The following ZFYVE28 variants were observed in gnomAD, a reference collection of about 807,000 sequenced individuals.
The protein encoded by ZFYVE28 is lateral signaling target protein 2 homolog.
ZFYVE28 carries 40 observed loss-of-function variants against 82.1 expected under a neutral mutation model. The observed-to-expected ratio is 0.49, with a 90% CI of 0.38 to 0.63. The LOEUF is 0.63. Among genes scored for constraint, ZFYVE28 ranks in the 30% least tolerant of loss-of-function variants. ZFYVE28 has a pLI of 0.00. For missense variants in ZFYVE28, 1,321 were observed against 1,242.1 expected (o/e 1.06, Z -0.96); for synonymous variants, 612 against 546.1 (o/e 1.12, Z -1.68).
intron 6 of ZFYVE28, chr4:2,330,447 A>G: frequency 9.4e-7 from 1 of 1,067,600 alleles, no homozygotes; most frequent in Non-Finnish European, 1.1e-6. Context: ...AGGGGACAGC[A>G]CGGAGGAGGG....
intron 8 of ZFYVE28, among the ~76,000 whole-genome samples, chr4:2,282,097 G>C (rs1024511858): frequency 1.3e-5 from 2 of 152,336 alleles, no homozygotes; most frequent in Non-Finnish European, 2.9e-5. Flanking sequence ...TGTCACTGAT[G>C]TTCTCAAGTC....
chr4:2,415,955 G>A (rs914076842), intron 1 of ZFYVE28, among the ~76,000 whole-genome samples: 1 of 152,292 alleles, frequency 6.6e-6, no homozygotes, highest in South Asian at 2.1e-4. Flanking sequence ...ATGGAGATAC[G>A]TCTCAAGTCC....
intron 1 of ZFYVE28, among the ~76,000 whole-genome samples, chr4:2,405,687 A>AGGTGAGGCCGACAGCCAGCACTCCT (rs1731811820): frequency 6.6e-6 from 1 of 152,240 alleles, no homozygotes; most frequent in Non-Finnish European, 1.5e-5. Context: ...GGAAGGAGCC[A>AGGTGAGGCCGACAGCCAGCACTCCT]GGTGAGGCCG....
chr4:2,299,298 TCCGTTTTTCC>T (rs1715128078), intron 8 of ZFYVE28, among the ~76,000 whole-genome samples: 1 of 152,024 alleles, frequency 6.6e-6, no homozygotes, highest in Non-Finnish European at 1.5e-5. Context: ...CGAAGGGTAC[TCCGTTTTTCC>T]CCCTCAAGTT....
intron 1 of ZFYVE28, among the ~76,000 whole-genome samples, chr4:2,414,897 A>T (rs1467291839): frequency 3.3e-5 from 5 of 152,236 alleles, no homozygotes. Context: ...TTTCTAAAGC[A>T]TAAACTCTCT....
intron 1 of ZFYVE28, among the ~76,000 whole-genome samples, chr4:2,365,398 C>T (rs1347725736): frequency 1.3e-5 from 2 of 152,088 alleles, no homozygotes; most frequent in African/African-American, 4.8e-5. Context: ...GCAGCAGGGG[C>T]CTCTCAGTGC....
chr4:2,351,049 C>A (rs1372878370), intron 2 of ZFYVE28, among the ~76,000 whole-genome samples: 2 of 152,192 alleles, frequency 1.3e-5, no homozygotes, highest in African/African-American at 4.8e-5. Flanking sequence ...GTCATGGGAG[C>A]CCCGATTTAT....
At chr4:2,354,952 G>C (rs1725016354) in intron 1 of ZFYVE28, among the ~76,000 whole-genome samples, 1 of 151,392 alleles carries the variant, frequency 6.6e-6, no homozygotes, top group Non-Finnish European at 1.5e-5. Flanking sequence ...GTGCACTGTG[G>C]CAGGAAACTC....
At position 2,363,164 on chromosome 4, in the gene ZFYVE28, C is replaced by T. The variant is rs150343035; in HGVS notation, c.40-9091G>A. On this transcript the variant is annotated intron_variant, in intron 1 of 12. Transcript: ENST00000290974. ...TTTAATCCCTCATATGACCGTTGAC[C>T]GGTCACCTGTGAGAGTGGCATATAT... Among the ~76,000 whole-genome samples, 266 of 152,164 alleles carry T rather than the reference C, an allele frequency of 1.7e-3. 1 individual carries two copies. The highest frequency in any genetic ancestry group is 5.8e-3 in the African/African-American group (240 of 41,538).
chr4:2,406,718 G>A (rs961573825), intron 1 of ZFYVE28: 2 of 152,354 alleles, frequency 1.3e-5, no homozygotes, highest in South Asian at 4.1e-4. Context: ...TCTGGGAGGT[G>A]GATTTGCTCC....
intron 6 of ZFYVE28, chr4:2,330,786 A>G: frequency 6.5e-7 from 1 of 1,527,406 alleles, no homozygotes; most frequent in South Asian, 1.2e-5. Context: ...TAGGACAGTC[A>G]AGGGGACCCT....
At position 2,305,105 on chromosome 4, in the gene ZFYVE28, G is replaced by C; in HGVS notation, c.1235C>G (p.Ala412Gly). The change falls in exon 8 of 13, where the codon GCC becomes GGC. Residue 412 changes from alanine (A) to glycine (G), a missense_variant. Physicochemically the swap from Ala to Gly is moderately conservative, Grantham distance 60. Coordinates refer to ENST00000290974, the MANE Select transcript of ZFYVE28 (RefSeq NM_020972.3). ...FMDDVEGTAE[A>G]LARPESPAGP... The stretch of plus-strand genomic sequence containing the variant: ...AGCTGGGGACTCGGGCCTGGCCAGG[G>C]CTTCTGCCGTCCCCTCCACGTCATC... The C allele has an allele frequency of 6.2e-7, 1 of 1,601,030 alleles. No individual in the cohort carries two copies. The highest frequency in any genetic ancestry group is 8.5e-7 in the Non-Finnish European group (1 of 1,173,234).
intron 1 of ZFYVE28, among the ~76,000 whole-genome samples, chr4:2,392,547 AG>A (rs1344717242): frequency 7.2e-5 from 11 of 152,256 alleles, no homozygotes; most frequent in African/African-American, 2.7e-4. Flanking sequence ...GTCTGCAAGC[AG>A]GTCCGGATAG....
At chr4:2,398,763 AGGTCAGTG>A (rs1560338182) in intron 1 of ZFYVE28, among the ~76,000 whole-genome samples, 7 of 7,292 alleles carry the variant, frequency 9.6e-4, no homozygotes, top group Non-Finnish European at 1.7e-3. Flanking sequence ...CCAGTGCACA[AGGTCAGTG>A]GCAGGGGCAA....
rs148631127 is a variant in ZFYVE28 at position 2,393,683 on chromosome 4, C to T, written c.39+24602G>A. 3.2e-3 allele frequency among the ~76,000 whole-genome samples: 481 copies of T among 152,354 alleles called. 3 individuals carry two copies. The highest frequency in any genetic ancestry group is 0.011 in the African/African-American group (461 of 41,584). On this transcript the variant is annotated intron_variant, in intron 1 of 12. Coordinates refer to ENST00000290974, the MANE Select transcript of ZFYVE28 (RefSeq NM_020972.3). ...TTCGAGACTGGCTTTTTTCACTCCA[C>T]ATTAAGCTGCTGAGACTCCCGCCGG...
chr4:2,393,706 C>A (rs1006902959), intron 1 of ZFYVE28, among the ~76,000 whole-genome samples: 1 of 152,242 alleles, frequency 6.6e-6, no homozygotes. Flanking sequence ...AGACTCCCGC[C>A]GGCCCCTTGC....
chr4:2,320,136 T>G lies in ZFYVE28; in HGVS notation c.803+34A>C. The G allele has an allele frequency of 6.3e-5, 54 of 863,646 alleles. No homozygotes were observed. Among genetic ancestry groups the G allele is most frequent in the Non-Finnish European group, 7.9e-5 (43 of 542,126 alleles). The allele number at this position is 863,646 out of a possible 1,614,324, so 53.5% of individuals were successfully genotyped here. On this transcript the variant is annotated intron_variant, in intron 7 of 12. Transcript: ENST00000290974. This position sits in a 1 kb window ranked among gnomAD's most constrained non-coding sequence, Gnocchi z 5.1. ...CCCACCTGTGGCCCTCCTGTCCCCCTCCCCTCCCCCACCTCCTCTAGCTCC... is the reference window on the plus strand; with the variant it reads ...CCCACCTGTGGCCCTCCTGTCCCCCGCCCCTCCCCCACCTCCTCTAGCTCC...
At chr4:2,363,774 G>A (rs1415778208) in intron 1 of ZFYVE28, among the ~76,000 whole-genome samples, 2 of 152,194 alleles carry the variant, frequency 1.3e-5, no homozygotes, top group East Asian at 3.9e-4. Flanking sequence ...CGAAGTAGGA[G>A]TCTTCTCTTG....
chr4:2,385,706 C>T (rs1729186541), intron 1 of ZFYVE28, among the ~76,000 whole-genome samples: 1 of 152,124 alleles, frequency 6.6e-6, no homozygotes, highest in Non-Finnish European at 1.5e-5. Context: ...TTCAGGACAG[C>T]ACGGGGCAGA....
Sources: allele counts gnomAD v4.1 joint callset (sites outside exome capture counted in the v4.1 genomes callset), GRCh38; gene constraint gnomAD v4.1.1; non-coding constraint Gnocchi (gnomAD v3.1); transcripts MANE v1.5; gene names NCBI Gene and HGNC (gene_info 2026-07-23, HGNC 2026-07-21).